THSD4: variants seen among roughly 807,000 people sequenced by gnomAD.
The protein encoded by THSD4 is thrombospondin type 1 domain containing 4, also known as thrombospondin type-1 domain-containing protein 4.
In THSD4, 69 loss-of-function variants were observed where a neutral mutation model predicts 119.0. The observed-to-expected ratio is 0.58, with a 90% CI of 0.48 to 0.71. The LOEUF (loss-of-function observed/expected upper bound fraction) is 0.71. Ranked by LOEUF, THSD4 falls within the 30% of genes least tolerant of loss-of-function variation. The pLI is 0.00. For missense variants in THSD4, 1,393 were observed against 1,391.1 expected (o/e 1.00, Z -0.02); for synonymous variants, 524 against 540.4 (o/e 0.97, Z 0.42).
At chr15:71,167,994 C>T (rs1727418091) in intron 3 of THSD4, among the ~76,000 whole-genome samples, 1 of 152,224 alleles carries the variant, frequency 6.6e-6, no homozygotes. Flanking sequence ...GACGCTGGTA[C>T]AGAGTTTAAG....
intron 7 of THSD4, among the ~76,000 whole-genome samples, chr15:71,502,674 T>C (rs1372157436): frequency 6.6e-6 from 1 of 152,166 alleles, no homozygotes; most frequent in East Asian, 1.9e-4. Context: ...AAATAACATA[T>C]CAGATCATAA....
At chr15:71,594,799 T>A (rs1229751054) in intron 7 of THSD4, among the ~76,000 whole-genome samples, 3 of 152,128 alleles carry the variant, frequency 2.0e-5, no homozygotes, top group Non-Finnish European at 4.4e-5. Context: ...GACTTCCTAG[T>A]CAAGAAAGAG....
chr15:71,120,683 A>G (rs1186724534), intron 1 of THSD4, among the ~76,000 whole-genome samples: 1 of 152,210 alleles, frequency 6.6e-6, no homozygotes, highest in Non-Finnish European at 1.5e-5. Context: ...AGGGGAAATG[A>G]AGGGCCAGCC....
chr15:71,676,991 G>A (rs538180722), intron 8 of THSD4, among the ~76,000 whole-genome samples: 1 of 152,266 alleles, frequency 6.6e-6, no homozygotes, highest in Non-Finnish European at 1.5e-5. Context: ...TGAGTCATAT[G>A]GTAACTCTAT....
chr15:71,191,453 A>G (rs2043670559), intron 3 of THSD4, among the ~76,000 whole-genome samples: 1 of 152,188 alleles, frequency 6.6e-6, no homozygotes, highest in African/African-American at 2.4e-5. Context: ...CACATTGGCC[A>G]TTCGTGCCTT....
intron 5 of THSD4, among the ~76,000 whole-genome samples, chr15:71,243,642 A>G (rs1401667207): frequency 6.6e-6 from 1 of 152,188 alleles, no homozygotes; most frequent in East Asian, 1.9e-4. Flanking sequence ...AAGGACCTGT[A>G]TAGCTGTACT....
intron 6 of THSD4, among the ~76,000 whole-genome samples, chr15:71,333,520 AG>A (rs1341790440): frequency 6.6e-6 from 1 of 152,098 alleles, no homozygotes; most frequent in Non-Finnish European, 1.5e-5. Context: ...CTTGGCCAAG[AG>A]CCTTGTCATT....
At chr15:71,099,613 G>T (rs1215593634) in intron 1 of THSD4, among the ~76,000 whole-genome samples, 1 of 151,872 alleles carries the variant, frequency 6.6e-6, no homozygotes, top group Non-Finnish European at 1.5e-5. Context: ...TGATTATATG[G>T]TTTAGCTTTC....
At chr15:71,441,629 G>A (rs1460343106) in intron 7 of THSD4, among the ~76,000 whole-genome samples, 1 of 151,768 alleles carries the variant, frequency 6.6e-6, no homozygotes, top group Non-Finnish European at 1.5e-5. Context: ...TGCTGACCTC[G>A]TAATCTGCCC....
chr15:71,733,942 A>G (rs1388482945), intron 10 of THSD4: 1 of 130,126 alleles, frequency 7.7e-6, no homozygotes, highest in African/African-American at 2.6e-5. Context: ...AATTGCTGAG[A>G]AAGCCCTAAT....
At chr15:71,536,903 A>G (rs116926478) in intron 7 of THSD4, among the ~76,000 whole-genome samples, 258 of 152,222 alleles carry the variant, frequency 1.7e-3, no homozygotes, top group Non-Finnish European at 2.8e-3. Context: ...TCCCTTATTG[A>G]TGTAGCCTAC....
intron 7 of THSD4, among the ~76,000 whole-genome samples, chr15:71,504,289 A>G (rs1017859038): frequency 2.0e-4 from 31 of 152,332 alleles, no homozygotes; most frequent in African/African-American, 6.0e-4. Flanking sequence ...TATATGTTGA[A>G]GAAATCCATG....
chr15:71,345,791 G>C (rs1324518311), intron 6 of THSD4, among the ~76,000 whole-genome samples: 1 of 137,640 alleles, frequency 7.3e-6, no homozygotes, highest in Non-Finnish European at 1.7e-5. Flanking sequence ...AATTCTTTGG[G>C]TGTTTTGTTT....
chr15:71,743,871 G>A (rs2053282182), intron 11 of THSD4, among the ~76,000 whole-genome samples: 1 of 152,226 alleles, frequency 6.6e-6, no homozygotes, highest in African/African-American at 2.4e-5. Flanking sequence ...CTATGTTGCA[G>A]TTAAAATTGT....
intron 3 of THSD4, among the ~76,000 whole-genome samples, chr15:71,169,397 A>G (rs920394679): frequency 1.3e-5 from 2 of 152,222 alleles, no homozygotes; most frequent in Non-Finnish European, 2.9e-5. Context: ...TGCCCATGCT[A>G]TGATCTGGCT....
chr15:71,160,938 G>T (rs1422672449), intron 3 of THSD4, among the ~76,000 whole-genome samples: 3 of 151,826 alleles, frequency 2.0e-5, no homozygotes, highest in Admixed American at 2.0e-4. Flanking sequence ...ATGGAGAAAA[G>T]CACCAAAAAA....
intron 6 of THSD4, among the ~76,000 whole-genome samples, chr15:71,293,266 C>G (rs1421246136): frequency 6.6e-6 from 1 of 152,188 alleles, no homozygotes; most frequent in Non-Finnish European, 1.5e-5. Context: ...CTGCACACAA[C>G]TGTCATTATG....
intron 15 of THSD4, among the ~76,000 whole-genome samples, chr15:71,764,614 C>T (rs2053683666): frequency 6.6e-6 from 1 of 152,236 alleles, no homozygotes; most frequent in Admixed American, 6.5e-5. Flanking sequence ...TATCCACCTC[C>T]TAAGAGAATA....
chr15:71,476,767 G>C (rs1047002107), intron 7 of THSD4, among the ~76,000 whole-genome samples: 2 of 152,176 alleles, frequency 1.3e-5, no homozygotes, highest in African/African-American at 4.8e-5. Flanking sequence ...AGTTGTTCAA[G>C]AAACAGTGCA....
Sources: allele counts gnomAD v4.1 joint callset (sites outside exome capture counted in the v4.1 genomes callset), GRCh38; gene constraint gnomAD v4.1.1; transcripts MANE v1.5; gene names NCBI Gene and HGNC (gene_info 2026-07-23, HGNC 2026-07-21).